The following PDZD2 variants were observed in gnomAD, a reference collection of about 807,000 sequenced individuals.
PDZD2 encodes PDZ domain-containing protein 2.
In PDZD2, 90 loss-of-function variants were observed where a neutral mutation model predicts 220.7. The ratio of observed to expected loss-of-function variants is 0.41; its 90% CI spans 0.34 to 0.49. The LOEUF (loss-of-function observed/expected upper bound fraction) is 0.49, where lower values mean the gene tolerates loss of function less well. Ranked by LOEUF, PDZD2 falls within the 20% of genes least tolerant of loss-of-function variation. The pLI, the probability that PDZD2 is intolerant of heterozygous loss-of-function variation, is 0.28. For missense variants in PDZD2, 3,174 were observed against 3,608.5 expected, an observed-to-expected ratio of 0.88 and a Z score of 3.08; for synonymous variants, 1,375 against 1,450.5, an observed-to-expected ratio of 0.95 and a Z score of 1.18.
intron 4 of PDZD2, among the ~76,000 whole-genome samples, chr5:31,999,219 G>GT (rs1467263012): frequency 8.1e-6 from 1 of 123,938 alleles, no homozygotes; most frequent in African/African-American, 3.0e-5. Flanking sequence ...AGTTTAGGCA[G>GT]TTTATTTGTT....
At chr5:31,678,091 A>G (rs4867365) in intron 1 of PDZD2, among the ~76,000 whole-genome samples, 33,014 of 152,192 alleles carry the variant, frequency 0.22, 3,769 homozygotes, top group Middle Eastern at 0.26. Flanking sequence ...ACATCAGTAA[A>G]GGTCTTTATA....
intron 2 of PDZD2, among the ~76,000 whole-genome samples, chr5:31,825,268 G>T (rs750396788): frequency 7.2e-5 from 11 of 152,162 alleles, no homozygotes; most frequent in Non-Finnish European, 1.5e-4. Flanking sequence ...CCACATGCCC[G>T]TACTACAGTT....
At chr5:31,803,101 ATT>A (rs35101679) in intron 2 of PDZD2, among the ~76,000 whole-genome samples, 27 of 140,666 alleles carry the variant, frequency 1.9e-4, no homozygotes, top group African/African-American at 5.8e-4. Flanking sequence ...ATTTTATTTT[ATT>A]TTTTTTTTTT....
In PDZD2 at chr5:32,088,326, C is replaced by T. The variant is rs1225321092; in HGVS notation, c.4878C>T (p.Ala1626=). The change falls in exon 20 of 25, where the codon GCC becomes GCT. Residue 1626 remains alanine, a synonymous_variant. Transcript: ENST00000438447. The surrounding 1 kb of genome is among the most constrained non-coding windows in gnomAD (Gnocchi z 4.6). ...HLPTQAAICP[A]SAKVLSLKYS... Reference sequence around the variant, plus strand: ...CCACCCAGGCTGCCATCTGTCCTGCCTCAGCCAAAGTTCTGTCATTAAAAT... The same window carrying T: ...CCACCCAGGCTGCCATCTGTCCTGCTTCAGCCAAAGTTCTGTCATTAAAAT... 5.0e-6 allele frequency: 8 copies of T among 1,614,000 alleles called. No homozygotes were observed. The African/African-American group carries it at 9.3e-5, about 19-fold the overall frequency.
At chr5:32,094,697 CAAA>C (rs36064147) in intron 21 of PDZD2, among the ~76,000 whole-genome samples, 5 of 112,524 alleles carry the variant, frequency 4.4e-5, no homozygotes, top group Admixed American at 9.4e-5. Flanking sequence ...CCTCATCTCT[CAAA>C]AAAAAAAAAA....
At chr5:31,988,390 A>G (rs1249766944) in intron 3 of PDZD2, among the ~76,000 whole-genome samples, 1 of 146,914 alleles carries the variant, frequency 6.8e-6, no homozygotes, top group East Asian at 2.0e-4. Context: ...ACATAAGGCG[A>G]GGTCCAGAGG....
In PDZD2 at chr5:31,882,266, G is replaced by A. The variant is rs117239204; in HGVS notation, c.476+82542G>A. ...GGAAGCTCAGACTTAGATCCCATAAGTGGCTCACCTCCTTAAGTTCCCACA... is the reference window on the plus strand; with the variant it reads ...GGAAGCTCAGACTTAGATCCCATAAATGGCTCACCTCCTTAAGTTCCCACA... On this transcript the variant is annotated intron_variant, in intron 2 of 24. Transcript: ENST00000438447. Among the ~76,000 whole-genome samples the A allele has an allele frequency of 1.6e-3, 251 of 152,310 alleles. 6 individuals carry two copies. In the East Asian group the frequency reaches 0.037, roughly 22 times the overall value.
At chr5:31,703,858 A>G (rs1747700937) in intron 1 of PDZD2, among the ~76,000 whole-genome samples, 1 of 152,188 alleles carries the variant, frequency 6.6e-6, no homozygotes, top group South Asian at 2.1e-4. Context: ...CTGTATAAAC[A>G]TAAAGTAAAT....
At chr5:31,998,076 C>T (rs1401362165) in intron 4 of PDZD2, among the ~76,000 whole-genome samples, 1 of 152,100 alleles carries the variant, frequency 6.6e-6, no homozygotes, top group African/African-American at 2.4e-5. Flanking sequence ...CTCCTGACCT[C>T]GTGATCCATC....
chr5:31,904,023 C>CA (rs1385222358), intron 2 of PDZD2, among the ~76,000 whole-genome samples: 1 of 150,440 alleles, frequency 6.6e-6, no homozygotes, highest in East Asian at 1.9e-4. Flanking sequence ...TGAGCCATTG[C>CA]ACCCAGCCAC....
chr5:32,025,591 C>T (rs1230706619), intron 6 of PDZD2, among the ~76,000 whole-genome samples: 17 of 67,504 alleles, frequency 2.5e-4, no homozygotes, highest in African/African-American at 7.2e-4. Flanking sequence ...AACCATGATG[C>T]TTTTTTTTTT....
intron 2 of PDZD2, among the ~76,000 whole-genome samples, chr5:31,969,426 T>G: frequency 6.8e-6 from 1 of 146,184 alleles, no homozygotes; most frequent in African/African-American, 2.6e-5. Context: ...GGGGAATGGC[T>G]TGAGCCTGGG....
chr5:31,703,069 C>T (rs1172779810), intron 1 of PDZD2, among the ~76,000 whole-genome samples: 1 of 152,226 alleles, frequency 6.6e-6, no homozygotes, highest in Non-Finnish European at 1.5e-5. Context: ...TTCTCAGCTC[C>T]ACTCATACAT....
chr5:31,658,753 G>A (rs1269120918), intron 1 of PDZD2, among the ~76,000 whole-genome samples: 1 of 152,062 alleles, frequency 6.6e-6, no homozygotes, highest in African/African-American at 2.4e-5. Flanking sequence ...CTGAGTAGCT[G>A]GGATTACAGG....
Position 31,930,355 on chromosome 5 carries a change from C to T in PDZD2, c.477-52800C>T, listed in dbSNP as rs897475698. Among the ~76,000 whole-genome samples the T allele has an allele frequency of 4.0e-5, 6 of 151,696 alleles. 1 individual carries two copies. Among genetic ancestry groups the T allele is most frequent in the South Asian group, 4.2e-4 (2 of 4,780 alleles). ...CAAGTAGCTGGGACTACACCACGCC[C>T]GGCTAATTTTTTTGTATTTTTAGTA... On this transcript the variant is annotated intron_variant, in intron 2 of 24. Transcript: ENST00000438447.
intron 7 of PDZD2, among the ~76,000 whole-genome samples, chr5:32,047,808 A>G (rs982413806): frequency 9.2e-5 from 14 of 152,248 alleles, no homozygotes; most frequent in African/African-American, 3.1e-4. Flanking sequence ...TGAACAGGCT[A>G]TTGGCATGCA....
intron 2 of PDZD2, among the ~76,000 whole-genome samples, chr5:31,969,636 G>T (rs1039481646): frequency 1.3e-5 from 2 of 151,704 alleles, no homozygotes; most frequent in African/African-American, 4.8e-5. Context: ...CTGTGAAGTG[G>T]GCATGAGGGA....
At chr5:31,849,867 T>C (rs1757813440) in intron 2 of PDZD2, among the ~76,000 whole-genome samples, 1 of 62,464 alleles carries the variant, frequency 1.6e-5, no homozygotes, top group South Asian at 5.0e-4. Flanking sequence ...CTCATATATA[T>C]ATACATATAT....
intron 7 of PDZD2, among the ~76,000 whole-genome samples, chr5:32,041,651 G>C (rs368754760): frequency 3.3e-5 from 5 of 151,968 alleles, no homozygotes; most frequent in Admixed American, 1.3e-4. Flanking sequence ...CAGCATGCTC[G>C]TTAAGAGTCA....
Sources: gnomAD v4.1 joint callset for allele counts (sites outside exome capture counted in the v4.1 genomes callset) on GRCh38, gnomAD v4.1.1 for gene constraint, Gnocchi (gnomAD v3.1) non-coding constraint, MANE v1.5 for transcripts, NCBI Gene and HGNC (gene_info 2026-07-23, HGNC 2026-07-21) for gene names.